Variants in TFEC observed in about 807,000 individuals in gnomAD.
The protein encoded by TFEC is class E basic helix-loop-helix protein 34.
A neutral mutation model predicts 41.6 loss-of-function variants in TFEC; 31 were observed. The ratio of observed to expected loss-of-function variants is 0.74; its 90% CI spans 0.56 to 1.01. The LOEUF (loss-of-function observed/expected upper bound fraction) is 1.01, where lower values mean the gene tolerates loss of function less well. TFEC is among the 50% of genes least tolerant of loss of function. The probability of loss-of-function intolerance (pLI) is 0.00; values close to 1 mark genes in which losing one functional copy is unlikely to be tolerated. For synonymous variants in TFEC, 143 were observed against 140.6 expected (o/e 1.02, Z -0.12); for missense variants, 402 against 404.1 (o/e 0.99, Z 0.04).
intron 3 of TFEC, among the ~76,000 whole-genome samples, chr7:116,066,706 AT>A (rs959579991): frequency 2.6e-5 from 4 of 151,924 alleles, no homozygotes; most frequent in African/African-American, 9.7e-5. Flanking sequence ...TACAATTACA[AT>A]TTTTTTTATC....
In TFEC at chr7:116,022,576, A is replaced by T. The variant is rs192332578; in HGVS notation, c.-73+8057T>A. Among the ~76,000 whole-genome samples, 13 of 152,322 alleles carry T rather than the reference A, an allele frequency of 8.5e-5. No individual in the cohort carries two copies. In the East Asian group the frequency reaches 2.3e-3, roughly 27 times the overall value. ...GTTATTTTGATTACTAAGTGATTAA[A>T]TGTTAGTAAAATATTTTCAACAGGG... On this transcript the variant is annotated intron_variant, in intron 1 of 7. Transcript: ENST00000265440.
At chr7:116,003,750 T>C (rs1794685947) in intron 1 of TFEC, among the ~76,000 whole-genome samples, 1 of 152,064 alleles carries the variant, frequency 6.6e-6, no homozygotes, top group Admixed American at 6.6e-5. Flanking sequence ...TAAAAGACAC[T>C]ATACAAATTA....
At chr7:115,967,757 A>C (rs1792930837) in intron 3 of TFEC, among the ~76,000 whole-genome samples, 1 of 151,848 alleles carries the variant, frequency 6.6e-6, no homozygotes. Context: ...GAAATACAAT[A>C]TGTGACTATA....
intron 3 of TFEC, among the ~76,000 whole-genome samples, chr7:115,960,088 C>G (rs1045907937): frequency 1.3e-5 from 2 of 150,728 alleles, no homozygotes; most frequent in Non-Finnish European, 3.0e-5. Flanking sequence ...GACCTGCATT[C>G]AGATATATTA....
chr7:115,982,143 TTTCTGGGGTC>T (rs1793656857), intron 2 of TFEC, among the ~76,000 whole-genome samples: 1 of 152,020 alleles, frequency 6.6e-6, no homozygotes, highest in Non-Finnish European at 1.5e-5. Flanking sequence ...GTAGCTATGA[TTTCTGGGGTC>T]TTCTTTGAAT....
At chr7:116,045,108 A>G (rs1469934522) in intron 3 of TFEC, among the ~76,000 whole-genome samples, 4 of 152,226 alleles carry the variant, frequency 2.6e-5, no homozygotes, top group Non-Finnish European at 5.9e-5. Flanking sequence ...GGAACAGTTT[A>G]GAGGGCTCAG....
chr7:116,010,287 G>A (rs1243468212), intron 1 of TFEC, among the ~76,000 whole-genome samples: 2 of 152,138 alleles, frequency 1.3e-5, no homozygotes, highest in Non-Finnish European at 2.9e-5. Flanking sequence ...GTAAATGAGG[G>A]AGTCCAAGAA....
chr7:116,083,578 T>G (rs1475364045), intron 3 of TFEC, among the ~76,000 whole-genome samples: 2 of 151,948 alleles, frequency 1.3e-5, no homozygotes, highest in Non-Finnish European at 2.9e-5. Context: ...TCTTGATGTC[T>G]TTACACGTCC....
At chr7:115,973,028 C>T (rs1264406265) in intron 3 of TFEC, among the ~76,000 whole-genome samples, 1 of 151,850 alleles carries the variant, frequency 6.6e-6, no homozygotes, top group African/African-American at 2.4e-5. Flanking sequence ...TTTCATGTCA[C>T]TATGGCTACT....
rs573301829 is a variant in TFEC, at chr7:115,984,187, G to A, written c.180+75C>T. The A allele has an allele frequency of 3.3e-6, 5 of 1,534,060 alleles. No individual in the cohort carries two copies. In the Admixed American group the frequency reaches 5.7e-5, roughly 17 times the overall value. On this transcript the variant is annotated intron_variant, in intron 2 of 7. Transcript: ENST00000265440. ...GCAATCAGAATGTTTACTGTAAAAT[G>A]TTGACTTCAATTACTTTAATAGAGG...
intron 6 of TFEC, among the ~76,000 whole-genome samples, chr7:115,943,016 T>G (rs974428505): frequency 2.6e-5 from 4 of 152,032 alleles, no homozygotes; most frequent in Middle Eastern, 3.2e-3. Context: ...TCTACATATA[T>G]TTTTGGTGAT....
chr7:115,999,844 CAA>C (rs71137145), intron 1 of TFEC, among the ~76,000 whole-genome samples: 4 of 131,188 alleles, frequency 3.0e-5, no homozygotes, highest in South Asian at 2.5e-4. Flanking sequence ...AGTCTCCTAG[CAA>C]AAAAAAAAAA....
chr7:116,032,658 A>G (rs1389458252), upstream of TFEC, among the ~76,000 whole-genome samples: 2 of 152,110 alleles, frequency 1.3e-5, no homozygotes, highest in African/African-American at 4.8e-5. Flanking sequence ...ATAGAGGGGA[A>G]CAACACACAC....
intron 1 of TFEC, among the ~76,000 whole-genome samples, chr7:116,010,308 A>G (rs1403281744): frequency 6.6e-6 from 1 of 152,172 alleles, no homozygotes; most frequent in Non-Finnish European, 1.5e-5. Context: ...AGAAAAAAGC[A>G]TTACTTGAAT....
intron 2 of TFEC, among the ~76,000 whole-genome samples, chr7:115,983,375 G>A (rs981081448): frequency 9.9e-5 from 15 of 151,892 alleles, no homozygotes; most frequent in African/African-American, 3.4e-4. Context: ...TTTAAATAAT[G>A]GGATTCTGAG....
At chr7:116,042,864 C>T (rs745605426) in intron 3 of TFEC, among the ~76,000 whole-genome samples, 2 of 152,118 alleles carry the variant, frequency 1.3e-5, no homozygotes, top group Non-Finnish European at 2.9e-5. Flanking sequence ...CATATTTGGA[C>T]TTCTGTTAAA....
At chr7:116,045,664 C>T (rs140880920) in intron 3 of TFEC, among the ~76,000 whole-genome samples, 451 of 152,326 alleles carry the variant, frequency 3.0e-3, no homozygotes, top group African/African-American at 9.5e-3. Context: ...AAGGGAAATG[C>T]GGGGTTTGAG....
intron 2 of TFEC, among the ~76,000 whole-genome samples, chr7:115,980,878 T>G (rs1793602343): frequency 6.6e-6 from 1 of 152,164 alleles, no homozygotes; most frequent in Admixed American, 6.6e-5. Context: ...AAATGAATAC[T>G]CTCTTATTTT....
At chr7:116,038,986 C>A (rs547211488) in intron 3 of TFEC, among the ~76,000 whole-genome samples, 1 of 152,038 alleles carries the variant, frequency 6.6e-6, no homozygotes, top group Non-Finnish European at 1.5e-5. Flanking sequence ...AAACCATATA[C>A]AGATTTTTAA....
Sources: allele counts gnomAD v4.1 joint callset (sites outside exome capture counted in the v4.1 genomes callset), GRCh38; gene constraint gnomAD v4.1.1; transcripts MANE v1.5; gene names NCBI Gene and HGNC (gene_info 2026-07-23, HGNC 2026-07-21).